The following KLHL1 variants were observed in gnomAD, a reference collection of about 807,000 sequenced individuals.
KLHL1 encodes the protein kelch like family member 1.
A neutral mutation model predicts 77.7 loss-of-function variants in KLHL1; 47 were observed. The observed-to-expected ratio is 0.60, with a 90% CI of 0.48 to 0.77. The LOEUF is 0.77. Ranked by LOEUF, KLHL1 falls within the 30% of genes least tolerant of loss-of-function variation. The pLI, the probability that KLHL1 is intolerant of heterozygous loss-of-function variation, is 0.00. For missense variants in KLHL1, 925 were observed against 910.8 expected, an observed-to-expected ratio of 1.02 and a Z score of -0.20; for synonymous variants, 360 against 325.2, an observed-to-expected ratio of 1.11 and a Z score of -1.15.
At chr13:70,025,444 T>C (rs750678677) in intron 1 of KLHL1, among the ~76,000 whole-genome samples, 7 of 152,036 alleles carry the variant, frequency 4.6e-5, no homozygotes, top group Non-Finnish European at 1.0e-4. Context: ...TTAGTCTTGT[T>C]TTGTTTTTTA....
intron 9 of KLHL1, among the ~76,000 whole-genome samples, chr13:69,708,889 T>A (rs1356239806): frequency 6.6e-6 from 1 of 151,974 alleles, no homozygotes; most frequent in African/African-American, 2.4e-5. Flanking sequence ...CTGCTCCAAT[T>A]TTTTTCACCC....
chr13:69,804,187 G>T (rs559893806), intron 6 of KLHL1, among the ~76,000 whole-genome samples: 1 of 151,966 alleles, frequency 6.6e-6, no homozygotes, highest in South Asian at 2.1e-4. Flanking sequence ...ATGACAAAAC[G>T]AACGGTAGAC....
intron 6 of KLHL1, among the ~76,000 whole-genome samples, chr13:69,822,130 C>T (rs1261786602): frequency 2.8e-5 from 4 of 144,746 alleles, no homozygotes; most frequent in South Asian, 2.2e-4. Context: ...ACCCTGGAGG[C>T]GGAGGTTGCA....
chr13:70,043,246 A>T (rs539046198), intron 1 of KLHL1, among the ~76,000 whole-genome samples: 1 of 152,140 alleles, frequency 6.6e-6, no homozygotes, highest in Non-Finnish European at 1.5e-5. Flanking sequence ...TACTAAAAAA[A>T]AATAAAAATA....
At chr13:70,001,139 T>C (rs1287220828) in intron 1 of KLHL1, among the ~76,000 whole-genome samples, 4 of 151,108 alleles carry the variant, frequency 2.6e-5, no homozygotes, top group East Asian at 1.9e-4. Context: ...TTTAGAGATA[T>C]TGTTATGGGA....
intron 1 of KLHL1, among the ~76,000 whole-genome samples, chr13:70,004,134 A>G (rs570253884): frequency 1.3e-4 from 19 of 151,978 alleles, no homozygotes; most frequent in African/African-American, 4.6e-4. Context: ...GAAGTTTTTA[A>G]CTGATACTCT....
chr13:69,968,330 GATATATTTGC>G (rs763913921), intron 2 of KLHL1, among the ~76,000 whole-genome samples: 85,627 of 150,662 alleles, frequency 0.57, 24,777 homozygotes, highest in Non-Finnish European at 0.62. Flanking sequence ...AAATAGAACT[GATATATTTGC>G]TAAGAAACAA....
chr13:69,991,089 A>G (rs563696815), intron 1 of KLHL1, among the ~76,000 whole-genome samples: 1 of 152,014 alleles, frequency 6.6e-6, no homozygotes, highest in Non-Finnish European at 1.5e-5. Context: ...AGAAATGAAG[A>G]AGTTATTTGA....
chr13:69,806,130 A>T (rs928839040), intron 6 of KLHL1, among the ~76,000 whole-genome samples: 1 of 152,220 alleles, frequency 6.6e-6, no homozygotes, highest in Non-Finnish European at 1.5e-5. Context: ...ACATCTTATT[A>T]TATAAAAATC....
rs998588602 is a variant in KLHL1 at position 70,069,153 on chromosome 13, C to T, written c.497+38050G>A. Among the ~76,000 whole-genome samples, 49 of 152,234 alleles carry T rather than the reference C, an allele frequency of 3.2e-4. 1 individual carries two copies. Among genetic ancestry groups the T allele is most frequent in the African/African-American group, 1.2e-3 (48 of 41,536 alleles). ...AAAAGACGGAGACCTAGTCATAAGG[C>T]TCTAGAAAGCTCCCACAAGCCCCAT... On this transcript the variant is annotated intron_variant, in intron 1 of 10. Coordinates refer to ENST00000377844, the MANE Select transcript of KLHL1 (RefSeq NM_020866.3).
chr13:70,067,485 G>T (rs1307680139), intron 1 of KLHL1, among the ~76,000 whole-genome samples: 1 of 152,102 alleles, frequency 6.6e-6, no homozygotes, highest in Non-Finnish European at 1.5e-5. Flanking sequence ...GGGGAAAGCC[G>T]GTGGAGAACG....
intron 1 of KLHL1, among the ~76,000 whole-genome samples, chr13:70,009,231 C>T (rs916379353): frequency 1.3e-5 from 2 of 152,174 alleles, no homozygotes; most frequent in Admixed American, 6.5e-5. Flanking sequence ...TGAACGAAGA[C>T]TACACACTGC....
chr13:69,890,130 A>G (rs112579383), intron 4 of KLHL1, among the ~76,000 whole-genome samples: 1 of 152,058 alleles, frequency 6.6e-6, no homozygotes, highest in Non-Finnish European at 1.5e-5. Context: ...AAATAATTAC[A>G]TTCATTTTAT....
At chr13:69,813,770 A>T (rs1345409043) in intron 6 of KLHL1, among the ~76,000 whole-genome samples, 1 of 152,234 alleles carries the variant, frequency 6.6e-6, no homozygotes, top group Non-Finnish European at 1.5e-5. Flanking sequence ...ATGTAAAAAC[A>T]TTCCATGCTC....
intron 1 of KLHL1, among the ~76,000 whole-genome samples, chr13:69,986,961 AAAT>A (rs1884887580): frequency 6.6e-6 from 1 of 151,812 alleles, no homozygotes; most frequent in Non-Finnish European, 1.5e-5. Flanking sequence ...ATCCAACAGT[AAAT>A]AATATTTTAT....
intron 8 of KLHL1, among the ~76,000 whole-genome samples, chr13:69,721,227 CT>C (rs1353252066): frequency 1.4e-5 from 2 of 145,158 alleles, no homozygotes; most frequent in African/African-American, 5.0e-5. Flanking sequence ...AATGGAACCA[CT>C]TGTCTCTTAA....
intron 8 of KLHL1, among the ~76,000 whole-genome samples, 165 bp from the exon 9 acceptor site, chr13:69,719,746 T>C (rs970668626): frequency 1.3e-5 from 2 of 151,960 alleles, no homozygotes; most frequent in Admixed American, 1.3e-4. Flanking sequence ...TGATCATATA[T>C]ACTAGAAATT....
chr13:69,914,881 A>G (rs1028022011), intron 4 of KLHL1, among the ~76,000 whole-genome samples: 5 of 152,202 alleles, frequency 3.3e-5, no homozygotes, highest in Admixed American at 6.5e-5. Flanking sequence ...CAAATGTTCT[A>G]CATTAAAATT....
chr13:69,974,194 T>C (rs1483736217), intron 2 of KLHL1, among the ~76,000 whole-genome samples: 2 of 151,788 alleles, frequency 1.3e-5, no homozygotes, highest in African/African-American at 2.4e-5. Flanking sequence ...TTTTAAAAAC[T>C]AATTTTTCGT....
Sources: allele counts gnomAD v4.1 joint callset (sites outside exome capture counted in the v4.1 genomes callset), GRCh38; gene constraint gnomAD v4.1.1; transcripts MANE v1.5; gene names NCBI Gene and HGNC (gene_info 2026-07-23, HGNC 2026-07-21).